Variants in MYLK4 observed in about 807,000 individuals in gnomAD.
MYLK4 encodes the protein caMLCK like.
Under a neutral mutation model 48.1 loss-of-function variants are expected in MYLK4, and 46 were observed. The observed-to-expected ratio is 0.96, with a 90% confidence interval of 0.75 to 1.22. The LOEUF is 1.22. Among genes scored for constraint, MYLK4 ranks in the 50% most tolerant of loss-of-function variants. The pLI, the probability that MYLK4 is intolerant of heterozygous loss-of-function variation, is 0.00. For missense variants in MYLK4, 451 were observed against 486.1 expected (o/e 0.93, Z 0.68); for synonymous variants, 170 against 180.8 (o/e 0.94, Z 0.48).
At chr6:2,751,412 A>G (rs1205253337), upstream of MYLK4, among the ~76,000 whole-genome samples, 3 of 152,228 alleles carry the variant, frequency 2.0e-5, no homozygotes, top group Non-Finnish European at 4.4e-5. Context: ...TTCTAGCTCT[A>G]GGGAAAGGTC....
intron 2 of MYLK4, among the ~76,000 whole-genome samples, chr6:2,720,200 C>T (rs998726878): frequency 2.6e-5 from 4 of 151,656 alleles, no homozygotes; most frequent in African/African-American, 7.3e-5. Context: ...GTCAGGAGAT[C>T]GAGACCATCC....
At chr6:2,705,318 C>A (rs1422482201) in intron 2 of MYLK4, among the ~76,000 whole-genome samples, 1 of 152,182 alleles carries the variant, frequency 6.6e-6, no homozygotes, top group Non-Finnish European at 1.5e-5. Flanking sequence ...GTTTCCCATT[C>A]CCCTTTCTAC....
chr6:2,720,061 C>A (rs1330037640), intron 2 of MYLK4, among the ~76,000 whole-genome samples: 1 of 151,804 alleles, frequency 6.6e-6, no homozygotes, highest in Non-Finnish European at 1.5e-5. Flanking sequence ...CCAGGTGATT[C>A]TAATACACAG....
chr6:2,728,129 A>C (rs1763348988), intron 2 of MYLK4, among the ~76,000 whole-genome samples: 1 of 152,212 alleles, frequency 6.6e-6, no homozygotes, highest in Non-Finnish European at 1.5e-5. Flanking sequence ...AGTAGGTAGC[A>C]GAGCTGATAT....
chr6:2,705,362 G>A (rs1762446204), intron 2 of MYLK4, among the ~76,000 whole-genome samples: 1 of 152,190 alleles, frequency 6.6e-6, no homozygotes, highest in African/African-American at 2.4e-5. Context: ...GTAGTCTCAA[G>A]GTTCTTCTCA....
intron 2 of MYLK4, among the ~76,000 whole-genome samples, chr6:2,712,800 C>T (rs1379457098): frequency 6.6e-6 from 1 of 152,154 alleles, no homozygotes; most frequent in African/African-American, 2.4e-5. Flanking sequence ...GAGTACCTTG[C>T]TTCAAACCCT....
intron 2 of MYLK4, among the ~76,000 whole-genome samples, chr6:2,714,075 G>A (rs539581766): frequency 6.6e-6 from 1 of 152,318 alleles, no homozygotes; most frequent in South Asian, 2.1e-4. Context: ...AGCTGCTACA[G>A]CAAGCAGTGT....
At position 2,678,298 on chromosome 6, in the gene MYLK4, TC is replaced by T. The variant is rs770699387; in HGVS notation, c.961del (p.Asp321ThrfsTer2). On this transcript the variant is annotated frameshift_variant, in exon 10 of 13. Transcript: ENST00000274643. LOFTEE classifies it high-confidence loss of function. ...TLNNILACRW[D>X]LEDEEFQDIS... The stretch of plus-strand genomic sequence containing the variant: ...GTCCTGAAATTCTTCATCCTCTAAG[TC>T]CCACCTGCAGGCCAGGATGTTGTTC... 2.3e-5 allele frequency: 37 copies of T among 1,613,940 alleles called. No individual in the cohort carries two copies. Among genetic ancestry groups the T allele is most frequent in the Non-Finnish European group, 2.5e-6 (3 of 1,179,994 alleles).
At chr6:2,698,318 C>A (rs1200115930) in intron 2 of MYLK4, among the ~76,000 whole-genome samples, 1 of 152,190 alleles carries the variant, frequency 6.6e-6, no homozygotes, top group African/African-American at 2.4e-5. Context: ...CTTTTCAAAC[C>A]TCCTCAGCTC....
intron 2 of MYLK4, among the ~76,000 whole-genome samples, chr6:2,721,962 T>C (rs1422513171): frequency 6.6e-6 from 1 of 152,194 alleles, no homozygotes; most frequent in Non-Finnish European, 1.5e-5. Context: ...CAATCCTCCA[T>C]CATTCTCAGA....
the MYLK4 span, among the ~76,000 whole-genome samples, chr6:2,762,215 A>AT: frequency 2.0e-5 from 3 of 152,030 alleles, no homozygotes; most frequent in Non-Finnish European, 1.5e-5. Flanking sequence ...ATCTCTCTTA[A>AT]TTTTTACTCC....
At chr6:2,712,346 A>G (rs1295201978) in intron 2 of MYLK4, among the ~76,000 whole-genome samples, 1 of 152,178 alleles carries the variant, frequency 6.6e-6, no homozygotes, top group East Asian at 1.9e-4. Context: ...TGGCTAGCAA[A>G]TTCCAGAAGA....
chr6:2,678,272 T>A lies in MYLK4; in HGVS notation c.988A>T (p.Ile330Phe). The A allele has an allele frequency of 6.2e-7, 1 of 1,614,014 alleles. No homozygotes were observed. Among genetic ancestry groups the A allele is most frequent in the Non-Finnish European group, 8.5e-7 (1 of 1,179,950 alleles). ...ATGAACTCCTTGGCCTCCTCCGAGA[T>A]GTCCTGAAATTCTTCATCCTCTAAG... ...WDLEDEEFQD[I>F]SEEAKEFISK... Residue 330 changes from isoleucine to phenylalanine, a missense_variant, in exon 10 of 13, where the codon ATC becomes TTC. Physicochemically the swap from Ile to Phe is conservative, Grantham distance 21. Transcript: ENST00000274643.
At chr6:2,720,912 C>T (rs1763046507) in intron 2 of MYLK4, among the ~76,000 whole-genome samples, 1 of 152,168 alleles carries the variant, frequency 6.6e-6, no homozygotes, top group Non-Finnish European at 1.5e-5. Flanking sequence ...CCTATAATCT[C>T]AGCACTTTGG....
intron 2 of MYLK4, among the ~76,000 whole-genome samples, chr6:2,735,005 T>A (rs1304791807): frequency 1.3e-5 from 2 of 152,204 alleles, no homozygotes; most frequent in African/African-American, 4.8e-5. Flanking sequence ...GATGTTTGCA[T>A]CACACATAAA....
chr6:2,728,066 C>T (rs1273233970), intron 2 of MYLK4, among the ~76,000 whole-genome samples: 1 of 151,902 alleles, frequency 6.6e-6, no homozygotes, highest in East Asian at 1.9e-4. Context: ...ATTCTACACA[C>T]AATTAAACTG....
the MYLK4 span, chr6:2,766,351 C>G: frequency 6.2e-7 from 1 of 1,610,424 alleles, no homozygotes; most frequent in Non-Finnish European, 8.5e-7. Context: ...TCGGGCAGAG[C>G]AAGGCCGTGG....
intron 2 of MYLK4, among the ~76,000 whole-genome samples, chr6:2,700,084 T>G (rs771019361): frequency 2.0e-5 from 3 of 152,018 alleles, no homozygotes; most frequent in Non-Finnish European, 2.9e-5. Flanking sequence ...TTATAATGAG[T>G]CTGATATTGT....
At chr6:2,754,287 G>A (rs980060344), upstream of MYLK4, among the ~76,000 whole-genome samples, 2 of 152,144 alleles carry the variant, frequency 1.3e-5, no homozygotes, top group African/African-American at 4.8e-5. Context: ...TCCATCGGAT[G>A]ATTTGGAGAC....
Sources: gnomAD v4.1 joint callset for allele counts (sites outside exome capture counted in the v4.1 genomes callset) on GRCh38, gnomAD v4.1.1 for gene constraint, MANE v1.5 for transcripts, NCBI Gene and HGNC (gene_info 2026-07-23, HGNC 2026-07-21) for gene names.